EML4: variants seen among roughly 807,000 people sequenced by gnomAD.
EML4 encodes echinoderm microtubule-associated protein-like 4.
Under a neutral mutation model 129.0 loss-of-function variants are expected in EML4, and 72 were observed. The observed-to-expected ratio is 0.56, with a 90% CI of 0.46 to 0.68. The LOEUF (loss-of-function observed/expected upper bound fraction) is 0.68, where lower values mean the gene tolerates loss of function less well. Among genes scored for constraint, EML4 ranks in the 30% least tolerant of loss-of-function variants. The pLI, the probability that EML4 is intolerant of heterozygous loss-of-function variation, is 0.00. For synonymous variants in EML4, 532 were observed against 405.0 expected, an observed-to-expected ratio of 1.31 and a Z score of -3.77; for missense variants, 1,363 against 1,190.6, an observed-to-expected ratio of 1.14 and a Z score of -2.13.
At chr2:42,328,775 T>C in intron 21 of EML4, 111 bp from the exon 22 acceptor site, 1 of 829,114 alleles carries the variant, frequency 1.2e-6, no homozygotes, top group Non-Finnish European at 1.8e-6. Flanking sequence ...CAGCTAAGAG[T>C]TTGAACATAG....
intron 20 of EML4, among the ~76,000 whole-genome samples, chr2:42,325,854 C>G (rs1371896587): frequency 6.6e-6 from 1 of 151,066 alleles, no homozygotes; most frequent in Non-Finnish European, 1.5e-5. Flanking sequence ...ATTACTCTGT[C>G]AAATTGATGC....
chr2:42,244,914 A>G (rs1675285452), intron 1 of EML4, among the ~76,000 whole-genome samples: 1 of 152,024 alleles, frequency 6.6e-6, no homozygotes. Flanking sequence ...GAGAAAACCA[A>G]TTAAGATGAT....
intron 1 of EML4, among the ~76,000 whole-genome samples, chr2:42,215,901 A>C (rs1234728166): frequency 6.6e-6 from 1 of 152,110 alleles, no homozygotes; most frequent in Non-Finnish European, 1.5e-5. Context: ...TTGTAAGAAA[A>C]GGAGAAACTC....
At chr2:42,205,507 C>T (rs115929523) in intron 1 of EML4, among the ~76,000 whole-genome samples, 25 of 151,256 alleles carry the variant, frequency 1.7e-4, no homozygotes, top group African/African-American at 5.5e-4. Flanking sequence ...GTCAGCTTCC[C>T]TGGCTTACCT....
chr2:42,179,642 G>A (rs768918152), intron 1 of EML4, among the ~76,000 whole-genome samples: 4 of 152,208 alleles, frequency 2.6e-5, no homozygotes, highest in Non-Finnish European at 2.9e-5. Flanking sequence ...TCGCTCTGTC[G>A]CCCAGGCTGG....
Position 42,169,576 on chromosome 2 carries a change from C to T in EML4, c.-36C>T, listed in dbSNP as rs1240124212. 4 of 1,594,192 alleles carry T rather than the reference C, an allele frequency of 2.5e-6. No individual in the cohort carries two copies. The highest frequency in any genetic ancestry group is 3.4e-6 in the Non-Finnish European group (4 of 1,173,256). ...TCGGTCCGCTGAATGAAGTGCCCGC[C>T]CCTCTAAGCCCGGAGCCCGGCGCTT... On this transcript the variant is annotated 5_prime_UTR_variant, in exon 1 of 23. Transcript: ENST00000318522.
chr2:42,284,661 G>A lies in EML4; in HGVS notation c.969G>A (p.Arg323=). The change falls in exon 9 of 23, where the codon AGG becomes AGA. Residue 323 remains arginine (R), a synonymous_variant. Coordinates refer to ENST00000318522, the MANE Select transcript of EML4 (RefSeq NM_019063.5). ...KCLAIHPDKI[R]IATGQIAGVD... The stretch of plus-strand genomic sequence containing the variant: ...TTGCTATACATCCTGACAAAATTAG[G>A]ATTGCAACTGGACAGATAGCTGGCG... 4 of 1,612,634 alleles carry A rather than the reference G, an allele frequency of 2.5e-6. No individual in the cohort carries two copies. The highest frequency in any genetic ancestry group is 3.4e-6 in the Non-Finnish European group (4 of 1,179,320).
chr2:42,198,394 A>T (rs534305885), intron 1 of EML4, among the ~76,000 whole-genome samples: 1 of 152,096 alleles, frequency 6.6e-6, no homozygotes, highest in Non-Finnish European at 1.5e-5. Flanking sequence ...GTTTAACTCA[A>T]GAGGCACCTG....
chr2:42,316,832 C>G (rs1399307093), intron 18 of EML4, among the ~76,000 whole-genome samples: 1 of 152,210 alleles, frequency 6.6e-6, no homozygotes, highest in African/African-American at 2.4e-5. Context: ...AAAGTATGTA[C>G]TTTAAGCTAT....
intron 1 of EML4, among the ~76,000 whole-genome samples, chr2:42,182,314 C>G (rs191071269): frequency 1.4e-5 from 2 of 143,614 alleles, no homozygotes; most frequent in Admixed American, 7.0e-5. Flanking sequence ...CCCCCTCCCC[C>G]CTCCACTGGT....
Position 42,328,901 on chromosome 2 carries a change from G to C in EML4, c.2357G>C (p.Gly786Ala). 6.2e-7 allele frequency: 1 copy of C among 1,610,556 alleles called. No individual in the cohort carries two copies. The highest frequency in any genetic ancestry group is 1.1e-5 in the South Asian group (1 of 90,612). ...CATATCAAAGGTGTCTGGCCAGAAG[G>C]ATCTGATGGGACAGATATCAATGCA... The part of the protein sequence containing the change: ...GFQVFGVWPE[G>A]SDGTDINALV... Residue 786 changes from glycine (G) to alanine (A), a missense_variant, in exon 22 of 23, where the codon GGA (glycine) becomes GCA (alanine). Coordinates refer to ENST00000318522, the MANE Select transcript of EML4 (RefSeq NM_019063.5).
At chr2:42,329,064 G>C in intron 22 of EML4, 48 bp downstream of exon 22, 1 of 1,563,372 alleles carries the variant, frequency 6.4e-7, no homozygotes, top group Non-Finnish European at 8.7e-7. Context: ...TTCTGTCCAG[G>C]GATGATTTTG....
At chr2:42,296,722 A>T (rs1490260704) in intron 13 of EML4, among the ~76,000 whole-genome samples, 3 of 152,182 alleles carry the variant, frequency 2.0e-5, no homozygotes, top group African/African-American at 7.2e-5. Flanking sequence ...GTAGGAGTAA[A>T]AGTTGAGTAG....
intron 1 of EML4, among the ~76,000 whole-genome samples, chr2:42,231,119 T>C (rs980479374): frequency 2.0e-5 from 3 of 152,268 alleles, no homozygotes; most frequent in Non-Finnish European, 2.9e-5. Context: ...ATTGCAGTTA[T>C]GCTTCTGTTC....
Position 42,204,143 on chromosome 2 carries a change from C to G in EML4, c.25+34507C>G, listed in dbSNP as rs149910291. ...CTTTGTTGCCCAGGCTGGTCTCAAA[C>G]TCCTGGGCTCAAGTGATCCTCCTGC... On this transcript the variant is annotated intron_variant, in intron 1 of 22. Coordinates refer to ENST00000318522, the MANE Select transcript of EML4 (RefSeq NM_019063.5). 2.0e-3 allele frequency among the ~76,000 whole-genome samples: 301 copies of G among 152,194 alleles called. 2 individuals are homozygous for G. Among genetic ancestry groups the G allele is most frequent in the African/African-American group, 7.0e-3 (290 of 41,526 alleles).
At chr2:42,192,116 C>T (rs1214579101) in intron 1 of EML4, among the ~76,000 whole-genome samples, 1 of 112,336 alleles carries the variant, frequency 8.9e-6, no homozygotes, top group East Asian at 2.9e-4. Context: ...AAGAGGGAAA[C>T]TGTCTCAAAA....
At chr2:42,201,363 A>C (rs1466385620) in intron 1 of EML4, among the ~76,000 whole-genome samples, 2 of 152,220 alleles carry the variant, frequency 1.3e-5, no homozygotes, top group East Asian at 3.8e-4. Context: ...GAGTTAATTA[A>C]CTTGCCCAAG....
At chr2:42,189,782 A>G (rs750282382) in intron 1 of EML4, among the ~76,000 whole-genome samples, 2 of 152,204 alleles carry the variant, frequency 1.3e-5, no homozygotes, top group African/African-American at 4.8e-5. Context: ...GCTTTCCACT[A>G]TACGATACTT....
chr2:42,278,713 C>G (rs1203227204), intron 6 of EML4, among the ~76,000 whole-genome samples: 1 of 151,398 alleles, frequency 6.6e-6, no homozygotes, highest in Non-Finnish European at 1.5e-5. Flanking sequence ...GTGGTTAGAT[C>G]ACCTGAGGTC....
Sources: gnomAD v4.1 joint callset for allele counts (sites outside exome capture counted in the v4.1 genomes callset) on GRCh38, gnomAD v4.1.1 for gene constraint, MANE v1.5 for transcripts, NCBI Gene and HGNC (gene_info 2026-07-23, HGNC 2026-07-21) for gene names.